The following LRFN5 variants were observed in gnomAD, a reference collection of about 807,000 sequenced individuals.
LRFN5 encodes leucine rich repeat and fibronectin type III domain containing 5.
In LRFN5, 24 loss-of-function variants were observed where a neutral mutation model predicts 45.6. The ratio of observed to expected loss-of-function variants is 0.53; its 90% confidence interval spans 0.38 to 0.74. LRFN5 has a LOEUF of 0.74. Among genes scored for constraint, LRFN5 ranks in the 30% least tolerant of loss-of-function variants. LRFN5 has a pLI of 0.00. For synonymous variants in LRFN5, 340 were observed against 313.8 expected (o/e 1.08, Z -0.88); for missense variants, 776 against 861.5 (o/e 0.90, Z 1.24).
intron 1 of LRFN5, among the ~76,000 whole-genome samples, chr14:41,702,268 C>T (rs1882869663): frequency 6.6e-6 from 1 of 152,072 alleles, no homozygotes. Context: ...AAGTAGCTTG[C>T]TCAAGGTGGC....
At chr14:41,875,138 C>A (rs987800936) in intron 2 of LRFN5, among the ~76,000 whole-genome samples, 5 of 152,230 alleles carry the variant, frequency 3.3e-5, no homozygotes, top group Non-Finnish European at 7.3e-5. Context: ...CCTGGAGGTA[C>A]TACTGTTTTA....
intron 2 of LRFN5, among the ~76,000 whole-genome samples, chr14:41,769,595 C>T (rs189650668): frequency 2.0e-5 from 3 of 151,912 alleles, no homozygotes; most frequent in South Asian, 2.1e-4. Context: ...CACACAATGA[C>T]GATAATTATT....
intron 5 of LRFN5, among the ~76,000 whole-genome samples, chr14:41,899,177 T>C (rs868580851): frequency 1.3e-5 from 2 of 152,142 alleles, no homozygotes; most frequent in Middle Eastern, 3.2e-3. Context: ...ACTAAACATC[T>C]CTGCTTTGTC....
chr14:41,715,473 A>T (rs1028209593), intron 1 of LRFN5, among the ~76,000 whole-genome samples: 1 of 152,182 alleles, frequency 6.6e-6, no homozygotes, highest in African/African-American at 2.4e-5. Flanking sequence ...TAACAAAAAT[A>T]CCTTATGTGG....
intron 2 of LRFN5, among the ~76,000 whole-genome samples, chr14:41,858,071 T>C (rs1023469576): frequency 6.6e-6 from 1 of 152,216 alleles, no homozygotes; most frequent in Non-Finnish European, 1.5e-5. Context: ...AATGTTATTA[T>C]ATTAAGAGAT....
intron 1 of LRFN5, among the ~76,000 whole-genome samples, chr14:41,651,472 C>G (rs1374297984): frequency 6.6e-6 from 1 of 151,970 alleles, no homozygotes; most frequent in Non-Finnish European, 1.5e-5. Context: ...AAATGGAAAA[C>G]AAAAACAAAA....
intron 2 of LRFN5, among the ~76,000 whole-genome samples, chr14:41,863,874 C>T (rs1369128512): frequency 6.6e-6 from 1 of 151,656 alleles, no homozygotes; most frequent in Non-Finnish European, 1.5e-5. Flanking sequence ...TGATCTCCCT[C>T]TCCCTGTGTC....
rs566965815 is a variant in LRFN5 at position 41,903,154 on chromosome 14, A to G, written c.2143-1004A>G. 5.9e-5 allele frequency among the ~76,000 whole-genome samples: 9 copies of G among 151,662 alleles called. No individual in the cohort carries two copies. In the East Asian group the frequency reaches 1.6e-3, roughly 26 times the overall value. Reference sequence around the variant, plus strand: ...ACTATTCAGATTATCAATTATTTTGAAATGTTTTCTTAAATAAAATATCTT... The same window carrying G: ...ACTATTCAGATTATCAATTATTTTGGAATGTTTTCTTAAATAAAATATCTT... On this transcript the variant is annotated intron_variant, in intron 5 of 5. Coordinates refer to ENST00000298119, the MANE Select transcript of LRFN5 (RefSeq NM_152447.5).
intron 1 of LRFN5, among the ~76,000 whole-genome samples, chr14:41,674,407 G>T (rs1426076275): frequency 7.2e-6 from 1 of 138,582 alleles, no homozygotes; most frequent in Non-Finnish European, 1.6e-5. Flanking sequence ...CCCGGACGGG[G>T]CGGCTGGCCG....
At position 41,891,691 on chromosome 14, in the gene LRFN5, T is replaced by A; in HGVS notation, c.1827T>A (p.Asn609Lys). ...AGTGTTGTAAAGCTACCAGTGACAA[T>A]GTGATTCAATCTTCAGAAACTTGTT... The part of the protein sequence containing the change: ...NAQCCKATSD[N>K]VIQSSETCSS... Residue 609 changes from asparagine to lysine, a missense_variant, in exon 4 of 6, where the codon AAT becomes AAA. Around this residue, in one of 2 missense-constraint regions of LRFN5, gnomAD observed 465 missense variants for 456.4 expected, o/e 1.02. Transcript: ENST00000298119. 6.2e-7 allele frequency: 1 copy of A among 1,614,182 alleles called. No individual in the cohort carries two copies. Among genetic ancestry groups the A allele is most frequent in the Non-Finnish European group, 8.5e-7 (1 of 1,180,044 alleles).
chr14:41,653,526 A>C, intron 1 of LRFN5, among the ~76,000 whole-genome samples: 1 of 152,172 alleles, frequency 6.6e-6, no homozygotes, highest in Non-Finnish European at 1.5e-5. Flanking sequence ...TAAAGGATGG[A>C]AACAAGGTGA....
At chr14:41,742,581 A>G (rs1298003926) in intron 1 of LRFN5, 1 of 152,182 alleles carries the variant, frequency 6.6e-6, no homozygotes, top group Non-Finnish European at 1.5e-5. Context: ...CGTTGGAGCG[A>G]CTATGTGACT....
At chr14:41,637,674 G>T (rs1020533489) in intron 1 of LRFN5, among the ~76,000 whole-genome samples, 1 of 152,064 alleles carries the variant, frequency 6.6e-6, no homozygotes, top group African/African-American at 2.4e-5. Context: ...TTATTTGGAG[G>T]TCATTAATAT....
At chr14:41,652,406 G>A (rs750902703) in intron 1 of LRFN5, among the ~76,000 whole-genome samples, 44 of 152,196 alleles carry the variant, frequency 2.9e-4, no homozygotes, top group African/African-American at 9.9e-4. Flanking sequence ...TGGGCTAGGC[G>A]CTGTTCTCAT....
chr14:41,727,004 C>A (rs1883963835), intron 1 of LRFN5, among the ~76,000 whole-genome samples: 1 of 152,110 alleles, frequency 6.6e-6, no homozygotes, highest in South Asian at 2.1e-4. Context: ...AAAACGAGGT[C>A]ATAACATCTT....
At chr14:41,731,440 A>C (rs1001396284) in intron 1 of LRFN5, 1 of 152,156 alleles carries the variant, frequency 6.6e-6, no homozygotes, top group Non-Finnish European at 1.5e-5. Flanking sequence ...TTTTCATGTA[A>C]AATCTGTGAG....
intron 1 of LRFN5, among the ~76,000 whole-genome samples, chr14:41,619,323 G>GA (rs1195825162): frequency 5.3e-5 from 8 of 151,928 alleles, no homozygotes; most frequent in African/African-American, 1.9e-4. Context: ...ACTATTACAG[G>GA]TATAATGAGG....
At chr14:41,864,306 T>C (rs1295649740) in intron 2 of LRFN5, among the ~76,000 whole-genome samples, 1 of 152,208 alleles carries the variant, frequency 6.6e-6, no homozygotes, top group African/African-American at 2.4e-5. Flanking sequence ...AAAGTGTTCC[T>C]ATTTCTCCAA....
intron 2 of LRFN5, among the ~76,000 whole-genome samples, chr14:41,811,332 A>C (rs994579554): frequency 1.3e-5 from 2 of 152,080 alleles, no homozygotes; most frequent in African/African-American, 2.4e-5. Context: ...GGAGTGTAAA[A>C]TATTGAAGCT....
Sources: allele counts gnomAD v4.1 joint callset (sites outside exome capture counted in the v4.1 genomes callset), GRCh38; gene constraint gnomAD v4.1.1; regional missense constraint gnomAD v4.1.1; transcripts MANE v1.5; gene names NCBI Gene and HGNC (gene_info 2026-07-23, HGNC 2026-07-21).